SGCD: variants seen among roughly 807,000 people sequenced by gnomAD.
SGCD encodes the protein sarcoglycan delta.
Under a neutral mutation model 36.6 loss-of-function variants are expected in SGCD, and 18 were observed. The ratio of observed to expected loss-of-function variants is 0.49; its 90% confidence interval spans 0.34 to 0.73. The LOEUF (loss-of-function observed/expected upper bound fraction) is 0.73. SGCD is among the 30% of genes least tolerant of loss of function. The probability of loss-of-function intolerance (pLI) is 0.01; values close to 1 mark genes in which losing one functional copy is unlikely to be tolerated. For synonymous variants in SGCD, 133 were observed against 130.6 expected (o/e 1.02, Z -0.12); for missense variants, 387 against 346.7 (o/e 1.12, Z -0.92).
intron 1 of SGCD, among the ~76,000 whole-genome samples, chr5:156,080,570 G>A (rs112718008): frequency 0.066 from 9,986 of 152,182 alleles, 1,042 homozygotes; most frequent in African/African-American, 0.22. Flanking sequence ...AAGCAGCCAG[G>A]CCATTTCTTG....
chr5:156,442,819 C>G (rs550655876), intron 3 of SGCD, among the ~76,000 whole-genome samples: 1 of 152,144 alleles, frequency 6.6e-6, no homozygotes, highest in Non-Finnish European at 1.5e-5. Flanking sequence ...CAGAAAATGT[C>G]CTTGCCCTTA....
chr5:155,826,822 G>A, the SGCD span, among the ~76,000 whole-genome samples: 1 of 152,158 alleles, frequency 6.6e-6, no homozygotes, highest in Admixed American at 6.5e-5. Flanking sequence ...AAGAATCTTT[G>A]CTGAATGAAT....
chr5:156,749,670 A>G (rs1757078531), intron 7 of SGCD, among the ~76,000 whole-genome samples: 2 of 152,194 alleles, frequency 1.3e-5, no homozygotes, highest in African/African-American at 4.8e-5. Context: ...TATTTTAAAA[A>G]GACTTTGTCA....
intron 1 of SGCD, among the ~76,000 whole-genome samples, chr5:156,115,513 C>G (rs755397918): frequency 2.0e-5 from 3 of 151,994 alleles, no homozygotes; most frequent in South Asian, 2.1e-4. Flanking sequence ...CAGTGTTCAT[C>G]CCTACAAGAT....
intron 6 of SGCD, among the ~76,000 whole-genome samples, chr5:156,598,208 G>A (rs188836889): frequency 1.4e-4 from 21 of 152,176 alleles, no homozygotes; most frequent in Admixed American, 1.3e-3. Context: ...TTCTTGGCTG[G>A]TGTGGAGGGA....
At chr5:156,446,877 A>G (rs1287853578) in intron 3 of SGCD, among the ~76,000 whole-genome samples, 1 of 151,940 alleles carries the variant, frequency 6.6e-6, no homozygotes, top group African/African-American at 2.4e-5. Flanking sequence ...CTCCTCTCCA[A>G]CTCCTTTATT....
chr5:155,841,793 C>T, the SGCD span, among the ~76,000 whole-genome samples: 1 of 151,986 alleles, frequency 6.6e-6, no homozygotes, highest in Non-Finnish European at 1.5e-5. Context: ...CTACCGTTTC[C>T]TCCCCAAAGA....
At chr5:156,163,739 G>A (rs538399252) in intron 3 of SGCD, among the ~76,000 whole-genome samples, 11 of 151,452 alleles carry the variant, frequency 7.3e-5, no homozygotes, top group Admixed American at 3.9e-4. Context: ...AATCATTTTC[G>A]GCCGGGCGCG....
At chr5:156,420,222 T>TTTC (rs1380459495) in intron 3 of SGCD, among the ~76,000 whole-genome samples, 3 of 152,152 alleles carry the variant, frequency 2.0e-5, no homozygotes, top group Admixed American at 6.6e-5. Context: ...TTTAGAACAC[T>TTTC]GATGGAGCTC....
intron 3 of SGCD, among the ~76,000 whole-genome samples, chr5:156,195,954 C>G (rs955709314): frequency 2.0e-4 from 31 of 152,170 alleles, no homozygotes; most frequent in Non-Finnish European, 4.1e-4. Flanking sequence ...TCATGCCACC[C>G]GCTCCTGAGA....
chr5:156,136,602 A>T (rs917381192), intron 3 of SGCD, among the ~76,000 whole-genome samples: 2 of 152,174 alleles, frequency 1.3e-5, no homozygotes, highest in African/African-American at 4.8e-5. Flanking sequence ...TATGATTTTA[A>T]TTTCATTCCT....
At chr5:156,629,742 A>G (rs962438864) in intron 6 of SGCD, among the ~76,000 whole-genome samples, 5 of 152,188 alleles carry the variant, frequency 3.3e-5, no homozygotes, top group African/African-American at 1.2e-4. Flanking sequence ...AATCAAATGA[A>G]TATGGCTGTG....
At chr5:156,682,357 G>T (rs1753752455) in intron 7 of SGCD, among the ~76,000 whole-genome samples, 1 of 152,174 alleles carries the variant, frequency 6.6e-6, no homozygotes, top group Non-Finnish European at 1.5e-5. Context: ...TTAAAAATAA[G>T]ATTCTGGAAG....
At chr5:156,294,426 C>T (rs191140032) in intron 3 of SGCD, among the ~76,000 whole-genome samples, 3 of 152,008 alleles carry the variant, frequency 2.0e-5, no homozygotes, top group African/African-American at 7.2e-5. Flanking sequence ...AAGACCAAGT[C>T]TCTATAAAAA....
At chr5:156,654,062 C>T (rs974261878) in intron 7 of SGCD, among the ~76,000 whole-genome samples, 1 of 151,998 alleles carries the variant, frequency 6.6e-6, no homozygotes, top group Non-Finnish European at 1.5e-5. Flanking sequence ...TGCAGATTCA[C>T]TAAAAATCAA....
chr5:156,013,213 T>G (rs1581041721), intron 1 of SGCD, among the ~76,000 whole-genome samples: 1 of 151,494 alleles, frequency 6.6e-6, no homozygotes, highest in Non-Finnish European at 1.5e-5. Context: ...TTAGTAGAGA[T>G]GGAGTTTCAC....
chr5:156,343,754 A>G (rs912793320), intron 2 of SGCD, among the ~76,000 whole-genome samples: 7 of 152,298 alleles, frequency 4.6e-5, no homozygotes, highest in African/African-American at 1.7e-4. Flanking sequence ...TAACTAGTTC[A>G]TCCTCTCATT....
intron 3 of SGCD, among the ~76,000 whole-genome samples, chr5:156,444,592 C>G (rs186049158): frequency 2.0e-5 from 3 of 152,094 alleles, no homozygotes; most frequent in African/African-American, 7.2e-5. Flanking sequence ...TGTGCCTCCC[C>G]GACTTCCACC....
intron 4 of SGCD, among the ~76,000 whole-genome samples, chr5:156,587,122 G>A (rs1250384979): frequency 9.2e-5 from 14 of 152,306 alleles, no homozygotes; most frequent in Non-Finnish European, 1.6e-4. Context: ...TACAAGGTCA[G>A]TCTCACTTGT....
Sources: allele counts gnomAD v4.1 joint callset (sites outside exome capture counted in the v4.1 genomes callset), GRCh38; gene constraint gnomAD v4.1.1; transcripts MANE v1.5; gene names NCBI Gene and HGNC (gene_info 2026-07-23, HGNC 2026-07-21).